The following STARD13 variants were observed in gnomAD, a reference collection of about 807,000 sequenced individuals.
STARD13 encodes StAR related lipid transfer domain containing 13.
STARD13 carries 62 observed loss-of-function variants against 106.4 expected under a neutral mutation model. The observed-to-expected ratio is 0.58, with a 90% confidence interval of 0.48 to 0.72. The LOEUF (loss-of-function observed/expected upper bound fraction) is 0.72. Among genes scored for constraint, STARD13 ranks in the 30% least tolerant of loss-of-function variants. The probability of loss-of-function intolerance (pLI) is 0.00; values close to 1 mark genes in which losing one functional copy is unlikely to be tolerated. For synonymous variants in STARD13, 565 were observed against 553.0 expected (o/e 1.02, Z -0.31); for missense variants, 1,387 against 1,424.0 (o/e 0.97, Z 0.42).
the STARD13 span, among the ~76,000 whole-genome samples, chr13:33,429,938 G>GGA: frequency 3.8e-4 from 56 of 148,698 alleles, no homozygotes; most frequent in East Asian, 1.8e-3. Flanking sequence ...GGGGGGGGGG[G>GGA]ACGGAGTCTC....
chr13:33,329,704 CTTTTTTT>C (rs1270014763), intron 1 of STARD13, among the ~76,000 whole-genome samples: 2 of 126,318 alleles, frequency 1.6e-5, no homozygotes, highest in African/African-American at 5.8e-5. Flanking sequence ...CACTTTCTTT[CTTTTTTT>C]TTTTTTTTTT....
chr13:33,439,695 T>G, the STARD13 span: 1 of 1,268,638 alleles, frequency 7.9e-7, no homozygotes, highest in Non-Finnish European at 1.0e-6. Context: ...ACTTACCCAC[T>G]CTTTCTTTGG....
chr13:33,295,118 C>T (rs1189747573), intron 1 of STARD13, among the ~76,000 whole-genome samples: 3 of 152,046 alleles, frequency 2.0e-5, no homozygotes, highest in African/African-American at 7.2e-5. Flanking sequence ...CTTAGATATG[C>T]CTTGTTGGAT....
At chr13:33,619,289 C>T in the STARD13 span, among the ~76,000 whole-genome samples, 1 of 152,120 alleles carries the variant, frequency 6.6e-6, no homozygotes, top group Non-Finnish European at 1.5e-5. Flanking sequence ...GTTTGCCAGA[C>T]AAAATAATAC....
At chr13:33,120,775 AC>A (rs1325600205) in intron 7 of STARD13, among the ~76,000 whole-genome samples, 1 of 137,372 alleles carries the variant, frequency 7.3e-6, no homozygotes, top group Non-Finnish European at 1.7e-5. Context: ...CTATTTCCTG[AC>A]TTTTTTTTTT....
chr13:33,115,586 G>A (rs765161069), intron 8 of STARD13, among the ~76,000 whole-genome samples: 1 of 152,282 alleles, frequency 6.6e-6, no homozygotes, highest in Admixed American at 6.5e-5. Context: ...GAGCTGCAAT[G>A]TACTCAGGGA....
chr13:33,604,481 G>A, the STARD13 span, among the ~76,000 whole-genome samples: 3 of 152,124 alleles, frequency 2.0e-5, no homozygotes, highest in Admixed American at 1.3e-4. Context: ...CTGGAGGCTA[G>A]AAAAGAATAG....
At chr13:33,589,934 A>G in the STARD13 span, among the ~76,000 whole-genome samples, 1 of 152,290 alleles carries the variant, frequency 6.6e-6, no homozygotes, top group Admixed American at 6.5e-5. Flanking sequence ...GTGGGAGTCT[A>G]AGTCTCTTTG....
the STARD13 span, among the ~76,000 whole-genome samples, chr13:33,605,406 T>A: frequency 6.6e-6 from 1 of 151,148 alleles, no homozygotes; most frequent in Non-Finnish European, 1.5e-5. Context: ...TATCTAGTAT[T>A]TCTTCTTGAG....
chr13:33,334,564 C>T (rs778907730), intron 1 of STARD13, among the ~76,000 whole-genome samples: 9 of 152,156 alleles, frequency 5.9e-5, no homozygotes, highest in Non-Finnish European at 1.2e-4. Context: ...TGCCCTCTCA[C>T]CCCCAAGACA....
chr13:33,153,944 G>A (rs1400969723), intron 3 of STARD13, among the ~76,000 whole-genome samples: 1 of 152,184 alleles, frequency 6.6e-6, no homozygotes, highest in African/African-American at 2.4e-5. Flanking sequence ...CTGAGGATGT[G>A]TTCTTAACCT....
rs767236986 is a variant in STARD13, at chr13:33,179,868, G to A, written c.170-12246C>T. On this transcript the variant is annotated intron_variant, in intron 1 of 13. Coordinates refer to ENST00000336934, the MANE Select transcript of STARD13 (RefSeq NM_178006.4). ...AAGGCAGAAGAAGGTTAGCCACATG[G>A]TTCTGCCATAAACAACCCATCTTCT... Among the ~76,000 whole-genome samples, 103 of 152,320 alleles carry A rather than the reference G, an allele frequency of 6.8e-4. 1 individual carries two copies. Among genetic ancestry groups the A allele is most frequent in the Non-Finnish European group, 1.4e-3 (95 of 68,032 alleles).
At chr13:33,280,437 T>G (rs972275523) in intron 1 of STARD13, 2 of 152,184 alleles carry the variant, frequency 1.3e-5, no homozygotes, top group Non-Finnish European at 2.9e-5. Context: ...ACTTTCTACA[T>G]TCCACATTTT....
At chr13:33,344,052 T>G (rs752347342), downstream of STARD13, among the ~76,000 whole-genome samples, 1 of 152,120 alleles carries the variant, frequency 6.6e-6, no homozygotes, top group Admixed American at 6.6e-5. Flanking sequence ...ATTCTGCAAG[T>G]TATTATGTGG....
At chr13:33,146,088 G>A (rs1229505411) in intron 3 of STARD13, among the ~76,000 whole-genome samples, 1 of 152,210 alleles carries the variant, frequency 6.6e-6, no homozygotes, top group African/African-American at 2.4e-5. Flanking sequence ...ACTTTGGGAG[G>A]TGAAGGCAGG....
chr13:33,552,469 A>G, the STARD13 span, among the ~76,000 whole-genome samples: 2 of 152,234 alleles, frequency 1.3e-5, no homozygotes, highest in African/African-American at 4.8e-5. Flanking sequence ...ATGAGAAACC[A>G]CCAACAGAAG....
chr13:33,312,375 G>C (rs1307380020), intron 1 of STARD13, among the ~76,000 whole-genome samples: 2 of 152,098 alleles, frequency 1.3e-5, no homozygotes, highest in Non-Finnish European at 2.9e-5. Flanking sequence ...AAATTCCCTT[G>C]TCAGGGGTGT....
rs114026552 is a variant in STARD13, at chr13:33,153,837, C to T, written c.324-11464G>A. Among the ~76,000 whole-genome samples, 912 of 152,332 alleles carry T rather than the reference C, an allele frequency of 6.0e-3. 15 individuals are homozygous for T. Among genetic ancestry groups the T allele is most frequent in the African/African-American group, 0.021 (861 of 41,584 alleles). ...GACAATTCTGATTAAAGCCTAGCAG[C>T]CTGAACTTCTCACCCAGGCTCCTAT... On this transcript the variant is annotated intron_variant, in intron 3 of 13. Transcript: ENST00000336934.
At chr13:33,203,606 T>C (rs563769393) in intron 1 of STARD13, among the ~76,000 whole-genome samples, 5 of 152,208 alleles carry the variant, frequency 3.3e-5, no homozygotes, top group African/African-American at 1.2e-4. Context: ...CCCTATTTTT[T>C]AAAGTTCAAC....
Sources: allele counts gnomAD v4.1 joint callset (sites outside exome capture counted in the v4.1 genomes callset), GRCh38; gene constraint gnomAD v4.1.1; transcripts MANE v1.5; gene names NCBI Gene and HGNC (gene_info 2026-07-23, HGNC 2026-07-21).